Variants in SYNDIG1 observed in about 807,000 individuals in gnomAD.
SYNDIG1 encodes the protein synapse differentiation-inducing gene protein 1.
Under a neutral mutation model 19.4 loss-of-function variants are expected in SYNDIG1, and 9 were observed. The observed-to-expected ratio is 0.46, with a 90% CI of 0.28 to 0.81. The LOEUF (loss-of-function observed/expected upper bound fraction) is 0.81. SYNDIG1 is among the 30% of genes least tolerant of loss of function. The pLI is 0.12. For synonymous variants in SYNDIG1, 141 were observed against 145.9 expected, an observed-to-expected ratio of 0.97 and a Z score of 0.24; for missense variants, 311 against 343.3, an observed-to-expected ratio of 0.91 and a Z score of 0.74.
chr20:24,470,596 G>A (rs2055406009), intron 1 of SYNDIG1, among the ~76,000 whole-genome samples: 1 of 152,204 alleles, frequency 6.6e-6, no homozygotes, highest in African/African-American at 2.4e-5. Flanking sequence ...GAGGAGGAAG[G>A]AATGGCTCAC....
chr20:24,658,161 C>T lies in SYNDIG1; in HGVS notation c.619-7185C>T, dbSNP rs570757648. ...GTCATGATTTTTCCAAAACCTCAAA[C>T]GACAGTGGGTATTTTCCAGCCAAAG... On this transcript the variant is annotated intron_variant, in intron 3 of 3. Transcript: ENST00000376862. The surrounding 1 kb of genome is among the most constrained non-coding windows in gnomAD (Gnocchi z 4.4). Among the ~76,000 whole-genome samples, 5 of 152,224 alleles carry T rather than the reference C, an allele frequency of 3.3e-5. No individual in the cohort carries two copies. The highest frequency in any genetic ancestry group is 2.1e-4 in the South Asian group (1 of 4,812).
chr20:24,506,808 A>G (rs2056602753), intron 1 of SYNDIG1, among the ~76,000 whole-genome samples: 1 of 152,188 alleles, frequency 6.6e-6, no homozygotes. Flanking sequence ...TCCCAAAGCC[A>G]GGCATACCTG....
At chr20:24,474,343 A>T (rs2055555621) in intron 1 of SYNDIG1, among the ~76,000 whole-genome samples, 1 of 152,246 alleles carries the variant, frequency 6.6e-6, no homozygotes, top group Non-Finnish European at 1.5e-5. Flanking sequence ...TACCAAAAAC[A>T]AAGGAAAATA....
At chr20:24,479,265 G>A (rs929115358) in intron 1 of SYNDIG1, among the ~76,000 whole-genome samples, 3 of 152,078 alleles carry the variant, frequency 2.0e-5, no homozygotes, top group African/African-American at 4.8e-5. Context: ...GGTTCTTCCC[G>A]CTCCTCTGAG....
At chr20:24,518,619 C>T (rs1318588092) in intron 1 of SYNDIG1, among the ~76,000 whole-genome samples, 3 of 152,148 alleles carry the variant, frequency 2.0e-5, no homozygotes, top group South Asian at 2.1e-4. Context: ...CTTCTTGTGA[C>T]GCTCTGGGCA....
chr20:24,644,618 GA>G (rs1261529650), intron 3 of SYNDIG1, among the ~76,000 whole-genome samples: 2 of 152,206 alleles, frequency 1.3e-5, no homozygotes, highest in Non-Finnish European at 2.9e-5. Context: ...ATGCTGTGGG[GA>G]AGCCCAAGTC....
chr20:24,478,549 A>T (rs2055700901), intron 1 of SYNDIG1, among the ~76,000 whole-genome samples: 1 of 152,190 alleles, frequency 6.6e-6, no homozygotes, highest in Admixed American at 6.5e-5. Flanking sequence ...CACTGTACTT[A>T]GTTTTCTTGG....
chr20:24,582,539 A>G (rs1192833698), intron 2 of SYNDIG1, among the ~76,000 whole-genome samples: 1 of 110,992 alleles, frequency 9.0e-6, no homozygotes, highest in Non-Finnish European at 1.9e-5. Context: ...CACCCTCCCC[A>G]CTGCTTGTCC....
intron 2 of SYNDIG1, among the ~76,000 whole-genome samples, chr20:24,544,101 A>C (rs2057525967): frequency 6.6e-6 from 1 of 152,198 alleles, no homozygotes; most frequent in Non-Finnish European, 1.5e-5. Flanking sequence ...AGGGAAGATA[A>C]GTTGACTTCT....
At chr20:24,653,186 G>A (rs1035485794) in intron 3 of SYNDIG1, among the ~76,000 whole-genome samples, 1 of 152,200 alleles carries the variant, frequency 6.6e-6, no homozygotes. Context: ...GAATGGACGT[G>A]GAGCAACAAG....
intron 1 of SYNDIG1, among the ~76,000 whole-genome samples, chr20:24,503,194 C>G (rs1196169933): frequency 6.6e-6 from 1 of 152,194 alleles, no homozygotes; most frequent in Admixed American, 6.5e-5. Context: ...GCAGGCGTCC[C>G]CTGCCAGAAG....
At chr20:24,584,793 A>G (rs182971715) in intron 2 of SYNDIG1, 63 bp from the exon 3 acceptor site, 393 of 1,609,202 alleles carry the variant, frequency 2.4e-4, no homozygotes, top group Middle Eastern at 6.6e-4. Flanking sequence ...ATCCCTGGAC[A>G]CCCCAGGATG....
chr20:24,593,670 T>A (rs2058549747), intron 3 of SYNDIG1, among the ~76,000 whole-genome samples: 1 of 152,228 alleles, frequency 6.6e-6, no homozygotes, highest in South Asian at 2.1e-4. Flanking sequence ...GTAAAAGCAT[T>A]CCCTTTTCTC....
In SYNDIG1 at chr20:24,652,558, A is replaced by G. The variant is rs560753648; in HGVS notation, c.619-12788A>G. ...AACAGTTTCCAAGTGACCAAATGTG[A>G]TTCTTCATTCAGCCGACTGTGATAT... On this transcript the variant is annotated intron_variant, in intron 3 of 3. Transcript: ENST00000376862. Among the ~76,000 whole-genome samples the G allele has an allele frequency of 7.9e-5, 12 of 152,316 alleles. No homozygotes were observed. In the South Asian group the frequency reaches 2.5e-3, roughly 32 times the overall value.
intron 2 of SYNDIG1, among the ~76,000 whole-genome samples, chr20:24,553,264 T>C (rs1471346517): frequency 6.6e-6 from 1 of 152,172 alleles, no homozygotes; most frequent in Non-Finnish European, 1.5e-5. Context: ...GTAGGTTGCC[T>C]GTTCACTCTG....
chr20:24,657,782 G>A, intron 3 of SYNDIG1, among the ~76,000 whole-genome samples: 1 of 152,130 alleles, frequency 6.6e-6, no homozygotes, highest in Non-Finnish European at 1.5e-5. Context: ...ACAGCTCTCA[G>A]TACCTTGTCA....
chr20:24,626,198 C>T (rs796514651), intron 3 of SYNDIG1, among the ~76,000 whole-genome samples: 1,415 of 95,614 alleles, frequency 0.015, 31 homozygotes, highest in African/African-American at 0.056. Context: ...CCGGACGGGG[C>T]GGCTGGCCTG....
intron 2 of SYNDIG1, among the ~76,000 whole-genome samples, chr20:24,575,582 C>T (rs910174106): frequency 3.9e-5 from 6 of 152,114 alleles, no homozygotes; most frequent in Admixed American, 1.3e-4. Flanking sequence ...TGTTCTAGGA[C>T]GTGCAAGGCA....
chr20:24,623,519 C>A (rs1485949851), intron 3 of SYNDIG1, among the ~76,000 whole-genome samples: 1 of 152,134 alleles, frequency 6.6e-6, no homozygotes, highest in African/African-American at 2.4e-5. Flanking sequence ...TTTTCTTACT[C>A]ATAATTTATC....
Sources: allele counts gnomAD v4.1 joint callset (sites outside exome capture counted in the v4.1 genomes callset), GRCh38; gene constraint gnomAD v4.1.1; non-coding constraint Gnocchi (gnomAD v3.1); transcripts MANE v1.5; gene names NCBI Gene and HGNC (gene_info 2026-07-23, HGNC 2026-07-21).